Variants in PATL2 observed in about 807,000 individuals in gnomAD.
PATL2 encodes the protein PAT1 homolog 2.
PATL2 carries 73 observed loss-of-function variants against 77.0 expected under a neutral mutation model. The ratio of observed to expected loss-of-function variants is 0.95; its 90% CI spans 0.78 to 1.15. The LOEUF is 1.15. PATL2 is among the 50% of genes most tolerant of loss of function. The pLI is 0.00. For missense variants in PATL2, 618 were observed against 655.4 expected (o/e 0.94, Z 0.62); for synonymous variants, 265 against 257.1 (o/e 1.03, Z -0.29).
chr15:44,700,912 T>C (rs1364066712), intron 3 of PATL2, among the ~76,000 whole-genome samples: 2 of 152,226 alleles, frequency 1.3e-5, no homozygotes, highest in Non-Finnish European at 2.9e-5. Flanking sequence ...GTTTGTCATA[T>C]AGCTTTTACT....
chr15:44,710,643 A>G (rs867785688), intron 2 of PATL2, among the ~76,000 whole-genome samples: 1 of 152,094 alleles, frequency 6.6e-6, no homozygotes, highest in Non-Finnish European at 1.5e-5. Flanking sequence ...TTCCTCCTAC[A>G]GTTTATTTAT....
chr15:44,685,886 A>G (rs1033700853), intron 3 of PATL2, among the ~76,000 whole-genome samples: 1 of 152,238 alleles, frequency 6.6e-6, no homozygotes, highest in African/African-American at 2.4e-5. Flanking sequence ...CACCCAATAC[A>G]GGAGCACCCA....
intron 3 of PATL2, among the ~76,000 whole-genome samples, chr15:44,688,790 C>T (rs1196623014): frequency 6.6e-6 from 1 of 152,114 alleles, no homozygotes; most frequent in Non-Finnish European, 1.5e-5. Flanking sequence ...CCATTCAGGA[C>T]ATAGGAGTGG....
At chr15:44,684,783 G>C (rs2086216326) in intron 3 of PATL2, among the ~76,000 whole-genome samples, 1 of 152,140 alleles carries the variant, frequency 6.6e-6, no homozygotes, top group South Asian at 2.1e-4. Flanking sequence ...GCAACCCCAA[G>C]ACACATAATC....
Position 44,701,137 on chromosome 15 carries a change from AT to A in PATL2, c.-76+8958del, listed in dbSNP as rs375255421. On this transcript the variant is annotated intron_variant, in intron 3 of 17. Transcript: ENST00000682850. ...AAATCCCACTTGGTCATGATGAATG[AT>A]TTTTTTTTTCCATTGGAAAGATATT... Among the ~76,000 whole-genome samples the A allele has an allele frequency of 1.3e-4, 20 of 149,952 alleles. 1 individual carries two copies. The highest frequency in any genetic ancestry group is 3.9e-4 in the East Asian group (2 of 5,128).
chr15:44,700,084 T>C (rs2086596161), intron 3 of PATL2, among the ~76,000 whole-genome samples: 1 of 152,176 alleles, frequency 6.6e-6, no homozygotes, highest in African/African-American at 2.4e-5. Context: ...TAGATTGCTT[T>C]AGGTAGTATA....
intron 3 of PATL2, among the ~76,000 whole-genome samples, chr15:44,677,268 C>T (rs2086001742): frequency 6.6e-6 from 1 of 152,000 alleles, no homozygotes; most frequent in Non-Finnish European, 1.5e-5. Flanking sequence ...GGATGCCTAG[C>T]AACCACATTC....
At chr15:44,708,935 G>A (rs1167552519) in intron 3 of PATL2, among the ~76,000 whole-genome samples, 1 of 152,134 alleles carries the variant, frequency 6.6e-6, no homozygotes, top group Admixed American at 6.5e-5. Context: ...GTCTTGCTCT[G>A]TTGCCCAGGC....
At chr15:44,705,599 T>A (rs925048610) in intron 3 of PATL2, among the ~76,000 whole-genome samples, 6 of 152,192 alleles carry the variant, frequency 3.9e-5, no homozygotes, top group African/African-American at 1.4e-4. Flanking sequence ...AAATTGCCTG[T>A]CTTCAAGCTC....
chr15:44,699,239 C>T (rs1337986573), intron 3 of PATL2, among the ~76,000 whole-genome samples: 2 of 152,102 alleles, frequency 1.3e-5, no homozygotes, highest in Non-Finnish European at 2.9e-5. Flanking sequence ...TGTGCAGAAG[C>T]CTTTAAGGGT....
chr15:44,707,386 T>G (rs1555390287), intron 3 of PATL2, among the ~76,000 whole-genome samples: 1 of 152,106 alleles, frequency 6.6e-6, no homozygotes, highest in Non-Finnish European at 1.5e-5. Flanking sequence ...AAGCCCATGA[T>G]GAGTACTACC....
At chr15:44,695,342 C>T (rs571646431) in intron 3 of PATL2, among the ~76,000 whole-genome samples, 49 of 152,326 alleles carry the variant, frequency 3.2e-4, no homozygotes, top group African/African-American at 1.2e-3. Flanking sequence ...GAGCTGCAGA[C>T]ACAGATGCCT....
chr15:44,710,194 A>C lies in PATL2; in HGVS notation c.-174T>G, dbSNP rs564779722. ...TTTTCTTAGTTTAGGCATGGCCTCCACAATAAAGATTATCAAAAGCCTAAA... is the reference window on the plus strand; with the variant it reads ...TTTTCTTAGTTTAGGCATGGCCTCCCCAATAAAGATTATCAAAAGCCTAAA... On this transcript the variant is annotated 5_prime_UTR_variant, in exon 3 of 18. Coordinates refer to ENST00000682850, the MANE Select transcript of PATL2 (RefSeq NM_001387263.1). Among the ~76,000 whole-genome samples the C allele has an allele frequency of 6.6e-6, 1 of 152,352 alleles. No homozygotes were observed. The highest frequency in any genetic ancestry group is 1.9e-4 in the East Asian group (1 of 5,194).
intron 3 of PATL2, among the ~76,000 whole-genome samples, chr15:44,685,207 G>A (rs911989557): frequency 2.0e-5 from 3 of 152,058 alleles, no homozygotes; most frequent in Non-Finnish European, 2.9e-5. Flanking sequence ...CAAAATAACC[G>A]GCTAGCATCA....
At chr15:44,699,138 T>G (rs2086575695) in intron 3 of PATL2, among the ~76,000 whole-genome samples, 1 of 152,198 alleles carries the variant, frequency 6.6e-6, no homozygotes. Flanking sequence ...TTTTATATTT[T>G]TATTATTAAT....
intron 9 of PATL2, 48 bp downstream of exon 9, chr15:44,671,967 C>A (rs770934346): frequency 7.1e-5 from 110 of 1,546,624 alleles, no homozygotes; most frequent in Non-Finnish European, 9.2e-5. Flanking sequence ...GGAGTCCAGG[C>A]CCATTTGACC....
chr15:44,668,846 G>T, intron 14 of PATL2, 134 bp downstream of exon 14: 1 of 1,086,708 alleles, frequency 9.2e-7, no homozygotes, highest in Non-Finnish European at 1.3e-6. Context: ...CTTGCCTGAG[G>T]GTGGCAAGGC....
chr15:44,670,474 G>A (rs1483909941), intron 9 of PATL2, among the ~76,000 whole-genome samples: 2 of 152,046 alleles, frequency 1.3e-5, no homozygotes, highest in African/African-American at 2.4e-5. Flanking sequence ...GATTACAGGC[G>A]AGCCATTGTG....
At chr15:44,705,371 G>A (rs1351401949) in intron 3 of PATL2, among the ~76,000 whole-genome samples, 2 of 151,990 alleles carry the variant, frequency 1.3e-5, no homozygotes, top group African/African-American at 2.4e-5. Context: ...TAGTTGAGAC[G>A]GGGTTTCACG....
Sources: gnomAD v4.1 joint callset for allele counts (sites outside exome capture counted in the v4.1 genomes callset) on GRCh38, gnomAD v4.1.1 for gene constraint, MANE v1.5 for transcripts, NCBI Gene and HGNC (gene_info 2026-07-23, HGNC 2026-07-21) for gene names.